The following SRPK1 variants were observed in gnomAD, a reference collection of about 807,000 sequenced individuals.
SRPK1 encodes SRSF protein kinase 1, also known as SFRS protein kinase 1.
SRPK1 carries 52 observed loss-of-function variants against 89.5 expected under a neutral mutation model. That is an observed-to-expected ratio of 0.58 (90% CI 0.46 to 0.73). The LOEUF (loss-of-function observed/expected upper bound fraction) is 0.73, where lower values mean the gene tolerates loss of function less well. Among genes scored for constraint, SRPK1 ranks in the 30% least tolerant of loss-of-function variants. The pLI is 0.00. For synonymous variants in SRPK1, 255 were observed against 270.2 expected, an observed-to-expected ratio of 0.94 and a Z score of 0.55; for missense variants, 603 against 780.6, an observed-to-expected ratio of 0.77 and a Z score of 2.71.
At chr6:35,918,304 C>T (rs995276013) in intron 2 of SRPK1, among the ~76,000 whole-genome samples, 1 of 152,040 alleles carries the variant, frequency 6.6e-6, no homozygotes, top group African/African-American at 2.4e-5. Context: ...AGTTCGAGAC[C>T]AGCCTGGGCA....
At chr6:35,881,592 G>C (rs1443177389) in intron 6 of SRPK1, among the ~76,000 whole-genome samples, 1 of 151,880 alleles carries the variant, frequency 6.6e-6, no homozygotes, top group Non-Finnish European at 1.5e-5. Context: ...AACGAAATCA[G>C]GGGTGGCTAT....
At position 35,870,977 on chromosome 6, in the gene SRPK1, C is replaced by G. The variant is rs759550641; in HGVS notation, c.752-18G>C. On this transcript the variant is annotated intron_variant, in intron 8 of 15. Coordinates refer to ENST00000373825, the MANE Select transcript of SRPK1 (RefSeq NM_003137.5). ...AGTACTGACTGAAAAGAAAAGAAAACCAAGTAAGAATTCTGGCATTCATCA... is the reference window on the plus strand; with the variant it reads ...AGTACTGACTGAAAAGAAAAGAAAAGCAAGTAAGAATTCTGGCATTCATCA... The G allele has an allele frequency of 1.1e-5, 18 of 1,604,600 alleles. No homozygotes were observed. Among genetic ancestry groups the G allele is most frequent in the Middle Eastern group, 1.7e-4 (1 of 5,982 alleles).
chr6:35,875,349 G>A (rs1770133355), intron 6 of SRPK1, among the ~76,000 whole-genome samples: 1 of 150,610 alleles, frequency 6.6e-6, no homozygotes, highest in African/African-American at 2.5e-5. Context: ...TCTGCCTCTC[G>A]GCACTACAGG....
At chr6:35,882,034 G>T (rs996522030) in intron 6 of SRPK1, among the ~76,000 whole-genome samples, 2 of 146,012 alleles carry the variant, frequency 1.4e-5, no homozygotes, top group Non-Finnish European at 3.0e-5. Context: ...GACCAAAGAG[G>T]AAGAAGAACA....
chr6:35,901,524 T>A (rs1770738551), intron 2 of SRPK1, among the ~76,000 whole-genome samples: 1 of 152,226 alleles, frequency 6.6e-6, no homozygotes, highest in Non-Finnish European at 1.5e-5. Flanking sequence ...TTCTGTTGTT[T>A]AGCCACCCAG....
At chr6:35,892,107 A>G (rs1188951115) in intron 2 of SRPK1, among the ~76,000 whole-genome samples, 1 of 152,226 alleles carries the variant, frequency 6.6e-6, no homozygotes, top group Non-Finnish European at 1.5e-5. Context: ...GTACTAAGTT[A>G]CATCCCCACC....
At position 35,860,923 on chromosome 6, in the gene SRPK1, C is replaced by A. The variant is rs115645685; in HGVS notation, c.1513-3555G>T. Among the ~76,000 whole-genome samples the A allele has an allele frequency of 2.6e-5, 4 of 152,058 alleles. No homozygotes were observed. The South Asian group carries it at 8.3e-4, about 31-fold the overall frequency. ...ACTTAAAGAAATTGAAGGAGTTGTA[C>A]GTGAAGAGGATTCCAAGCAGAAGGA... On this transcript the variant is annotated intron_variant, in intron 12 of 15. Coordinates refer to ENST00000373825, the MANE Select transcript of SRPK1 (RefSeq NM_003137.5).
chr6:35,918,438 T>C (rs1771161564), intron 2 of SRPK1, among the ~76,000 whole-genome samples: 1 of 151,664 alleles, frequency 6.6e-6, no homozygotes, highest in African/African-American at 2.4e-5. Flanking sequence ...TAGGTGGAGG[T>C]TGCAGTGAGC....
At chr6:35,853,342 C>A (rs758006064) in intron 13 of SRPK1, among the ~76,000 whole-genome samples, 16 of 152,058 alleles carry the variant, frequency 1.1e-4, no homozygotes, top group Admixed American at 2.6e-4. Flanking sequence ...CTTTACATAG[C>A]ATTTATATTA....
At chr6:35,850,060 G>A (rs1340462349) in intron 13 of SRPK1, among the ~76,000 whole-genome samples, 2 of 152,028 alleles carry the variant, frequency 1.3e-5, no homozygotes, top group Non-Finnish European at 2.9e-5. Context: ...ACTGGGGGGT[G>A]AAGATAATCG....
chr6:35,882,402 A>G (rs1329153085), intron 6 of SRPK1, among the ~76,000 whole-genome samples: 3 of 152,026 alleles, frequency 2.0e-5, no homozygotes, highest in South Asian at 4.2e-4. Context: ...CTGCAGCCTC[A>G]AACTCCCAGG....
At chr6:35,918,512 G>C (rs1388812590) in intron 2 of SRPK1, among the ~76,000 whole-genome samples, 1 of 150,454 alleles carries the variant, frequency 6.6e-6, no homozygotes, top group Non-Finnish European at 1.5e-5. Flanking sequence ...AAAAGAAAAA[G>C]AAAAAAAAGG....
At chr6:35,868,679 T>C (rs1769962012) in intron 12 of SRPK1, among the ~76,000 whole-genome samples, 1 of 152,132 alleles carries the variant, frequency 6.6e-6, no homozygotes. Flanking sequence ...TAGGGGAGTA[T>C]GAACATAGGC....
Position 35,872,585 on chromosome 6 carries a change from A to G in SRPK1, c.729T>C (p.Ala243=), listed in dbSNP as rs1456849411. ...CACCTGCAGATCCGGAAGGCGGAGGAGCTCCAGATCGCTGCCATTCTGTTG... is the reference window on the plus strand; with the variant it reads ...CACCTGCAGATCCGGAAGGCGGAGGGGCTCCAGATCGCTGCCATTCTGTTG... The part of the protein sequence containing the change: ...AEATEWQRSG[A]PPPSGSAVST... The change falls in exon 8 of 16, where the codon GCT becomes GCC. Residue 243 remains alanine (A), a synonymous_variant. Coordinates refer to ENST00000373825, the MANE Select transcript of SRPK1 (RefSeq NM_003137.5). The G allele has an allele frequency of 1.2e-6, 2 of 1,607,820 alleles. No homozygotes were observed. The highest frequency in any genetic ancestry group is 8.5e-7 in the Non-Finnish European group (1 of 1,177,628).
At chr6:35,920,314 T>C (rs776768167) in intron 2 of SRPK1, 154 bp downstream of exon 2, 2 of 777,676 alleles carry the variant, frequency 2.6e-6, no homozygotes, top group Non-Finnish European at 4.5e-6. Flanking sequence ...CTCTTCCACA[T>C]GGTTGCTGGA....
chr6:35,892,684 A>ACG (rs1561989598), intron 2 of SRPK1, among the ~76,000 whole-genome samples: 64 of 147,090 alleles, frequency 4.4e-4, no homozygotes, highest in African/African-American at 1.6e-3. Context: ...CAACAACAAC[A>ACG]ACAACGACAA....
chr6:35,901,018 G>C (rs1342105884), intron 2 of SRPK1, among the ~76,000 whole-genome samples: 1 of 152,138 alleles, frequency 6.6e-6, no homozygotes, highest in African/African-American at 2.4e-5. Context: ...AAATTAAAGA[G>C]AGAAAGAAGG....
At chr6:35,891,140 C>A in intron 2 of SRPK1, 127 bp from the exon 3 acceptor site, 1 of 1,118,418 alleles carries the variant, frequency 8.9e-7, no homozygotes, top group South Asian at 2.7e-5. Flanking sequence ...AAGTGGCAGC[C>A]TAGGAAAATA....
In SRPK1 at chr6:35,869,046, C is replaced by A. The variant is rs763504968; in HGVS notation, c.1476G>T (p.Lys492Asn). Residue 492 changes from lysine to asparagine, a missense_variant, in exon 12 of 16, where the codon AAG (lysine) becomes AAT (asparagine). Lys to Asn is a moderately conservative substitution (Grantham distance 94, BLOSUM62 0). Coordinates refer to ENST00000373825, the MANE Select transcript of SRPK1 (RefSeq NM_003137.5). Reference sequence around the variant, plus strand: ...CATTTCCAAGGTCAGCAATCTTCACCTTGAGCTTTTCTGCATTTTTTGGCT... The same window carrying A: ...CATTTCCAAGGTCAGCAATCTTCACATTGAGCTTTTCTGCATTTTTTGGCT... Reference protein sequence around the residue: ...PLEPKNAEKLKVKIADLGNAC... With the variant: ...PLEPKNAEKLNVKIADLGNAC... 1.2e-6 allele frequency: 2 copies of A among 1,614,030 alleles called. No individual in the cohort carries two copies.
Sources: gnomAD v4.1 joint callset for allele counts (sites outside exome capture counted in the v4.1 genomes callset) on GRCh38, gnomAD v4.1.1 for gene constraint, MANE v1.5 for transcripts, NCBI Gene and HGNC (gene_info 2026-07-23, HGNC 2026-07-21) for gene names.